Variants in SLC39A11 observed in about 807,000 individuals in gnomAD.
SLC39A11 encodes solute carrier family 39 member 11.
In SLC39A11, 33 loss-of-function variants were observed where a neutral mutation model predicts 36.1. The observed-to-expected ratio is 0.91, with a 90% CI of 0.69 to 1.22. SLC39A11 has a LOEUF of 1.22. Among genes scored for constraint, SLC39A11 ranks in the 50% most tolerant of loss-of-function variants. The pLI is 0.00. For missense variants in SLC39A11, 432 were observed against 430.3 expected, an observed-to-expected ratio of 1.00 and a Z score of -0.03; for synonymous variants, 166 against 170.3, an observed-to-expected ratio of 0.97 and a Z score of 0.20.
At chr17:73,055,630 TA>T (rs779132168) in intron 3 of SLC39A11, among the ~76,000 whole-genome samples, 60 of 150,782 alleles carry the variant, frequency 4.0e-4, no homozygotes, top group Non-Finnish European at 6.1e-4. Context: ...GGAAGGCGGG[TA>T]GGGGGCGAGG....
chr17:73,087,013 G>A (rs11868770), intron 2 of SLC39A11, among the ~76,000 whole-genome samples: 52,782 of 150,830 alleles, frequency 0.35, 9,389 homozygotes, highest in South Asian at 0.42. Flanking sequence ...CCAAGATCAC[G>A]CCACTGCACT....
intron 7 of SLC39A11, among the ~76,000 whole-genome samples, chr17:72,668,318 T>C (rs1030965904): frequency 6.7e-6 from 1 of 150,286 alleles, no homozygotes; most frequent in Non-Finnish European, 1.5e-5. Flanking sequence ...AAAAAAAAAA[T>C]TCCCTAGCTC....
chr17:72,987,093 T>C (rs2088821100), intron 4 of SLC39A11, among the ~76,000 whole-genome samples: 2 of 152,286 alleles, frequency 1.3e-5, no homozygotes, highest in Non-Finnish European at 2.9e-5. Context: ...ATGTGCGAGT[T>C]CTCACTCTGT....
chr17:72,982,929 A>G (rs921212572), intron 4 of SLC39A11, among the ~76,000 whole-genome samples: 1 of 152,168 alleles, frequency 6.6e-6, no homozygotes, highest in African/African-American at 2.4e-5. Context: ...AGAAACACAG[A>G]GTGTCTATTA....
At chr17:72,841,188 C>T (rs2078790612) in intron 6 of SLC39A11, among the ~76,000 whole-genome samples, 1 of 152,202 alleles carries the variant, frequency 6.6e-6, no homozygotes, top group South Asian at 2.1e-4. Context: ...TACATCAAAG[C>T]TTCAGTATGT....
intron 5 of SLC39A11, among the ~76,000 whole-genome samples, chr17:72,936,841 C>T (rs934407611): frequency 1.2e-4 from 19 of 152,180 alleles, no homozygotes; most frequent in East Asian, 5.8e-4. Context: ...AGATCCCTCA[C>T]GTGTGCCGTT....
At chr17:72,939,458 G>GA (rs3064732) in intron 5 of SLC39A11, among the ~76,000 whole-genome samples, 160 of 145,362 alleles carry the variant, frequency 1.1e-3, no homozygotes, top group African/African-American at 1.1e-3. Flanking sequence ...GTTCCGTCTC[G>GA]AAAAAAAAAA....
At chr17:73,062,460 T>TAAAAAAAA (rs1277455208) in intron 3 of SLC39A11, among the ~76,000 whole-genome samples, 1 of 7,698 alleles carries the variant, frequency 1.3e-4, no homozygotes. Flanking sequence ...AGAGCTTGTC[T>TAAAAAAAA]CAAAAAAAAA....
At chr17:72,833,382 C>A (rs2078370468) in intron 6 of SLC39A11, among the ~76,000 whole-genome samples, 1 of 152,206 alleles carries the variant, frequency 6.6e-6, no homozygotes, top group African/African-American at 2.4e-5. Context: ...TATCACAAAG[C>A]AGCAAATGAA....
Position 72,750,157 on chromosome 17 carries a change from T to A in SLC39A11, c.602-13438A>T, listed in dbSNP as rs2075099197. ...CCCTTGGGAGCCAAGAGAGTCACCC[T>A]GGGAATTATCCCACAAGAGGGTCTC... On this transcript the variant is annotated intron_variant, in intron 6 of 9. Coordinates refer to ENST00000255559, the MANE Select transcript of SLC39A11 (RefSeq NM_139177.4). Among the ~76,000 whole-genome samples, 4 of 152,316 alleles carry A rather than the reference T, an allele frequency of 2.6e-5. 1 individual carries two copies. The South Asian group carries it at 8.3e-4, about 32-fold the overall frequency.
chr17:72,959,054 C>T (rs2086428658), intron 4 of SLC39A11, among the ~76,000 whole-genome samples: 1 of 151,728 alleles, frequency 6.6e-6, no homozygotes, highest in Non-Finnish European at 1.5e-5. Context: ...GAGAACACTT[C>T]TACAATGCTG....
chr17:72,969,610 T>TTC (rs3037588), intron 4 of SLC39A11, among the ~76,000 whole-genome samples: 7 of 151,144 alleles, frequency 4.6e-5, no homozygotes, highest in African/African-American at 1.7e-4. Context: ...TTCCCCATCT[T>TTC]TCTCTCTCTC....
chr17:73,008,267 G>A (rs1393626313), intron 4 of SLC39A11, among the ~76,000 whole-genome samples: 2 of 150,486 alleles, frequency 1.3e-5, no homozygotes, highest in Non-Finnish European at 3.0e-5. Flanking sequence ...TAGTAGCTGG[G>A]ACTACAGGCA....
At chr17:73,055,113 A>T (rs1479331854) in intron 3 of SLC39A11, among the ~76,000 whole-genome samples, 1 of 152,156 alleles carries the variant, frequency 6.6e-6, no homozygotes, top group African/African-American at 2.4e-5. Context: ...AACCTGCATG[A>T]TGCCAGGAGT....
At chr17:72,838,073 C>T (rs997085432) in intron 6 of SLC39A11, 1 of 1,005,386 alleles carries the variant, frequency 9.9e-7, no homozygotes, top group Non-Finnish European at 1.3e-6. Flanking sequence ...CTCTTGAGGC[C>T]AGCAGTTCGA....
chr17:73,035,204 C>T (rs113936105), intron 3 of SLC39A11, among the ~76,000 whole-genome samples: 353 of 152,294 alleles, frequency 2.3e-3, no homozygotes, highest in African/African-American at 8.0e-3. Flanking sequence ...AGTACAGCAG[C>T]GTGACCTGCA....
intron 6 of SLC39A11, among the ~76,000 whole-genome samples, chr17:72,800,303 A>ATTT (rs34172959): frequency 9.6e-4 from 87 of 90,360 alleles, no homozygotes; most frequent in Non-Finnish European, 1.3e-3. Context: ...ACCTACAATA[A>ATTT]TTTTTTTTTT....
chr17:72,796,890 G>A (rs1008637564), intron 6 of SLC39A11, among the ~76,000 whole-genome samples: 4 of 152,216 alleles, frequency 2.6e-5, no homozygotes, highest in East Asian at 3.9e-4. Flanking sequence ...GTTACCTGTG[G>A]GCATAACACA....
chr17:72,698,776 C>A (rs528169633), intron 7 of SLC39A11, among the ~76,000 whole-genome samples: 35 of 152,096 alleles, frequency 2.3e-4, no homozygotes, highest in Non-Finnish European at 4.4e-4. Flanking sequence ...AGTGTGAATA[C>A]CTGGAGGGGC....
Sources: allele counts gnomAD v4.1 joint callset (sites outside exome capture counted in the v4.1 genomes callset), GRCh38; gene constraint gnomAD v4.1.1; transcripts MANE v1.5; gene names NCBI Gene and HGNC (gene_info 2026-07-23, HGNC 2026-07-21).